PLD5: variants seen among roughly 807,000 people sequenced by gnomAD.
The protein encoded by PLD5 is inactive phospholipase D5.
In PLD5, 36 loss-of-function variants were observed where a neutral mutation model predicts 61.1. The ratio of observed to expected loss-of-function variants is 0.59; its 90% CI spans 0.45 to 0.78. The LOEUF (loss-of-function observed/expected upper bound fraction) is 0.78. PLD5 is among the 30% of genes least tolerant of loss of function. PLD5 has a pLI of 0.00. For missense variants in PLD5, 515 were observed against 644.4 expected, an observed-to-expected ratio of 0.80 and a Z score of 2.17; for synonymous variants, 243 against 242.8, an observed-to-expected ratio of 1.00 and a Z score of -0.01.
intron 2 of PLD5, among the ~76,000 whole-genome samples, chr1:242,301,101 C>G (rs1676010313): frequency 6.6e-6 from 1 of 152,090 alleles, no homozygotes; most frequent in African/African-American, 2.4e-5. Flanking sequence ...CTTGCTTCTT[C>G]TTGGGAGACC....
At chr1:242,497,798 A>G (rs1217833948) in intron 1 of PLD5, among the ~76,000 whole-genome samples, 1 of 152,214 alleles carries the variant, frequency 6.6e-6, no homozygotes, top group Admixed American at 6.5e-5. Context: ...ATGTCCTCAC[A>G]TATTATGAGT....
chr1:242,274,221 G>A (rs920242469), intron 3 of PLD5, among the ~76,000 whole-genome samples: 2 of 152,202 alleles, frequency 1.3e-5, no homozygotes, highest in African/African-American at 4.8e-5. Flanking sequence ...ACACAAATGA[G>A]AGATGAAGGG....
intron 1 of PLD5, among the ~76,000 whole-genome samples, chr1:242,407,768 G>T (rs946866369): frequency 6.6e-6 from 1 of 151,868 alleles, no homozygotes; most frequent in Non-Finnish European, 1.5e-5. Flanking sequence ...TAGTAGAGAT[G>T]GAGTTTCACC....
At chr1:242,174,311 C>T (rs1276599927) in intron 5 of PLD5, among the ~76,000 whole-genome samples, 1 of 151,990 alleles carries the variant, frequency 6.6e-6, no homozygotes, top group African/African-American at 2.4e-5. Context: ...CTCATCATCA[C>T]TGGCCATCAG....
Position 242,524,255 on chromosome 1 carries a change from A to T in PLD5, c.22T>A (p.Trp8Arg). The T allele has an allele frequency of 6.7e-7, 1 of 1,488,444 alleles. No homozygotes were observed. Among genetic ancestry groups the T allele is most frequent in the Non-Finnish European group, 8.9e-7 (1 of 1,123,782 alleles). The allele number at this position is 1,488,444 out of a possible 1,614,324, so 92.2% of individuals were successfully genotyped here. ...CCCTCATGGGGGGAGGCCGAGAGCC[A>T]CTCGTGCTGCCGGATCTCCATCCTG... Reference protein sequence around the residue: MEIRQHEWLSASPHEGFE... With the variant: MEIRQHERLSASPHEGFE... Residue 8 changes from tryptophan (W) to arginine (R), a missense_variant, in exon 1 of 10, where the codon TGG (tryptophan) becomes AGG (arginine). Coordinates refer to ENST00000536534, the MANE Select transcript of PLD5 (RefSeq NM_001372062.1).
rs1393946236 is a variant in PLD5, at chr1:242,275,159, A to C, written c.496-9711T>G. On this transcript the variant is annotated intron_variant, in intron 3 of 9. Coordinates refer to ENST00000536534, the MANE Select transcript of PLD5 (RefSeq NM_001372062.1). The stretch of plus-strand genomic sequence containing the variant: ...AACATTTGATGCTATAGTCTTAAGA[A>C]AATAAGATTTAGGATTTAAGTCAAA... Among the ~76,000 whole-genome samples, 14 of 151,978 alleles carry C rather than the reference A, an allele frequency of 9.2e-5. 1 individual carries two copies. Among genetic ancestry groups the C allele is most frequent in the Admixed American group, 9.2e-4 (14 of 15,260 alleles).
intron 1 of PLD5, among the ~76,000 whole-genome samples, chr1:242,437,558 G>A (rs533390494): frequency 6.6e-6 from 1 of 152,218 alleles, no homozygotes; most frequent in South Asian, 2.1e-4. Context: ...TTAGCCAGGT[G>A]TGGTGGTGTG....
At chr1:242,322,157 G>A (rs115504508) in intron 2 of PLD5, among the ~76,000 whole-genome samples, 2 of 152,180 alleles carry the variant, frequency 1.3e-5, no homozygotes, top group African/African-American at 4.8e-5. Flanking sequence ...CAGAGCCGGG[G>A]CTTCACAGCT....
At chr1:242,498,258 T>C (rs7418488) in intron 1 of PLD5, among the ~76,000 whole-genome samples, 127,703 of 152,264 alleles carry the variant, frequency 0.84, 53,717 homozygotes, top group African/African-American at 0.9. Context: ...CCACCGCACC[T>C]GGCCTCTTCA....
At chr1:242,441,126 T>C (rs540685779) in intron 1 of PLD5, among the ~76,000 whole-genome samples, 7 of 152,346 alleles carry the variant, frequency 4.6e-5, no homozygotes, top group Non-Finnish European at 7.3e-5. Context: ...ATATTCACTG[T>C]TTGTTTCAAC....
chr1:242,175,580 T>C (rs1308340561), intron 5 of PLD5, among the ~76,000 whole-genome samples: 1 of 152,176 alleles, frequency 6.6e-6, no homozygotes, highest in Admixed American at 6.5e-5. Flanking sequence ...TTCAGTATAG[T>C]ATTGGAAGTT....
chr1:242,096,889 CCTCCTT>C (rs1463378446), intron 9 of PLD5, among the ~76,000 whole-genome samples: 2 of 151,938 alleles, frequency 1.3e-5, no homozygotes, highest in Non-Finnish European at 2.9e-5. Context: ...CGCTATCCCT[CCTCCTT>C]CCCCCTCCCC....
At chr1:242,446,132 G>A (rs1166279308) in intron 1 of PLD5, among the ~76,000 whole-genome samples, 2 of 151,862 alleles carry the variant, frequency 1.3e-5, no homozygotes. Flanking sequence ...CACACAATGA[G>A]TGTAACATAG....
At chr1:242,373,764 C>G (rs974762865) in intron 1 of PLD5, among the ~76,000 whole-genome samples, 4 of 151,866 alleles carry the variant, frequency 2.6e-5, no homozygotes, top group Non-Finnish European at 5.9e-5. Flanking sequence ...AACACTTGGA[C>G]ACAAGAAGGG....
At chr1:242,150,254 A>G (rs965687038) in intron 5 of PLD5, among the ~76,000 whole-genome samples, 2 of 149,810 alleles carry the variant, frequency 1.3e-5, no homozygotes, top group Admixed American at 6.6e-5. Flanking sequence ...TATGTTCCAT[A>G]TGTGCTTAAA....
intron 2 of PLD5, among the ~76,000 whole-genome samples, chr1:242,320,521 G>A (rs1413318094): frequency 1.3e-5 from 2 of 152,202 alleles, no homozygotes; most frequent in Non-Finnish European, 2.9e-5. Context: ...TGAGAAGGCT[G>A]CTGCACACAG....
Position 242,177,393 on chromosome 1 carries a change from C to T in PLD5, c.735+42595G>A, listed in dbSNP as rs139214471. Among the ~76,000 whole-genome samples, 214 of 152,100 alleles carry T rather than the reference C, an allele frequency of 1.4e-3. 1 individual carries two copies. Among genetic ancestry groups the T allele is most frequent in the African/African-American group, 4.7e-3 (195 of 41,498 alleles). Reference sequence around the variant, plus strand: ...GAACAGACAGACACAGGGAGGGGAACAACACACACCGGGGCCTGTTGGGTG... The same window carrying T: ...GAACAGACAGACACAGGGAGGGGAATAACACACACCGGGGCCTGTTGGGTG... On this transcript the variant is annotated intron_variant, in intron 5 of 9. Transcript: ENST00000536534.
At chr1:242,372,965 C>A (rs557248076) in intron 1 of PLD5, among the ~76,000 whole-genome samples, 18 of 152,264 alleles carry the variant, frequency 1.2e-4, no homozygotes, top group African/African-American at 4.1e-4. Context: ...AACTAAAGAG[C>A]TTCTGCACAG....
chr1:242,288,526 C>A lies in PLD5; in HGVS notation c.331G>T (p.Ala111Ser). The change falls in exon 3 of 10, where the codon GCC becomes TCC. Residue 111 changes from alanine (A) to serine (S), a missense_variant. Ala to Ser is a moderately conservative substitution (Grantham distance 99). Coordinates refer to ENST00000536534, the MANE Select transcript of PLD5 (RefSeq NM_001372062.1). ...EKNCQNKCRI[A>S]LVENIPEGLN... ...CCTTCAGGAATATTTTCCACCAGGG[C>A]AATTCTTAGAAAAGATTTTGAAAAA... is the stretch of plus-strand genomic sequence containing the variant. The A allele has an allele frequency of 1.9e-6, 3 of 1,587,304 alleles. No individual in the cohort carries two copies. Among genetic ancestry groups the A allele is most frequent in the Non-Finnish European group, 2.6e-6 (3 of 1,170,724 alleles).
Sources: gnomAD v4.1 joint callset for allele counts (sites outside exome capture counted in the v4.1 genomes callset) on GRCh38, gnomAD v4.1.1 for gene constraint, MANE v1.5 for transcripts, NCBI Gene and HGNC (gene_info 2026-07-23, HGNC 2026-07-21) for gene names.